TMEM132C: variants seen among roughly 807,000 people sequenced by gnomAD.
TMEM132C encodes the protein transmembrane protein 132C.
In TMEM132C, 29 loss-of-function variants were observed where a neutral mutation model predicts 61.4. The ratio of observed to expected loss-of-function variants is 0.47; its 90% CI spans 0.35 to 0.64. TMEM132C has a LOEUF of 0.64. Among genes scored for constraint, TMEM132C ranks in the 30% least tolerant of loss-of-function variants. TMEM132C has a pLI of 0.00. For missense variants in TMEM132C, 1,408 were observed against 1,476.9 expected (o/e 0.95, Z 0.76); for synonymous variants, 656 against 633.1 (o/e 1.04, Z -0.54).
chr12:128,543,846 A>T, intron 2 of TMEM132C, 111 bp from the exon 3 acceptor site: 1 of 1,408,892 alleles, frequency 7.1e-7, no homozygotes, highest in East Asian at 2.8e-5. Flanking sequence ...GATATGAAAA[A>T]AGTGGAAAAG....
At chr12:128,568,614 C>T (rs936915505) in intron 3 of TMEM132C, among the ~76,000 whole-genome samples, 3 of 152,130 alleles carry the variant, frequency 2.0e-5, no homozygotes, top group Admixed American at 1.3e-4. Context: ...AGAAATGCTC[C>T]AAGGTCACAC....
chr12:128,421,902 C>T (rs1450335033), intron 2 of TMEM132C, among the ~76,000 whole-genome samples: 1 of 152,076 alleles, frequency 6.6e-6, no homozygotes, highest in Non-Finnish European at 1.5e-5. Context: ...CTGCTATATC[C>T]CCAGCCCTTG....
At chr12:128,575,113 T>G (rs902742863) in intron 3 of TMEM132C, among the ~76,000 whole-genome samples, 4 of 152,238 alleles carry the variant, frequency 2.6e-5, no homozygotes, top group African/African-American at 9.6e-5. Flanking sequence ...GATTATGGAA[T>G]AATACCTTTG....
intron 2 of TMEM132C, among the ~76,000 whole-genome samples, chr12:128,512,834 C>T (rs369191607): frequency 2.0e-5 from 3 of 152,294 alleles, no homozygotes; most frequent in South Asian, 2.1e-4. Flanking sequence ...TCCCACACCT[C>T]GCTTTTTGAA....
intron 1 of TMEM132C, among the ~76,000 whole-genome samples, chr12:128,337,704 C>T (rs1872826161): frequency 6.6e-6 from 1 of 152,174 alleles, no homozygotes; most frequent in South Asian, 2.1e-4. Flanking sequence ...TCCCTGCAGA[C>T]CTTTGCAATT....
rs900459750 is a variant in TMEM132C at position 128,473,303 on chromosome 12, T to G, written c.974+57683T>G. ...ATCTTCTCTCCAGCCTCCGTCTTCATCTTCACTCCAGCCTCTATCTTCATC... is the reference window on the plus strand; with the variant it reads ...ATCTTCTCTCCAGCCTCCGTCTTCAGCTTCACTCCAGCCTCTATCTTCATC... On this transcript the variant is annotated intron_variant, in intron 2 of 8. Transcript: ENST00000435159. 7.5e-4 allele frequency among the ~76,000 whole-genome samples: 113 copies of G among 150,784 alleles called. 7 individuals are homozygous for G. Among genetic ancestry groups the G allele is most frequent in the African/African-American group, 2.7e-3 (109 of 40,114 alleles).
At chr12:128,505,329 A>AT (rs1181021311) in intron 2 of TMEM132C, among the ~76,000 whole-genome samples, 1 of 152,166 alleles carries the variant, frequency 6.6e-6, no homozygotes, top group Non-Finnish European at 1.5e-5. Flanking sequence ...CCATGCTCCT[A>AT]CATCCCTCTG....
intron 3 of TMEM132C, among the ~76,000 whole-genome samples, chr12:128,605,022 A>G (rs192461401): frequency 2.3e-4 from 34 of 149,498 alleles, no homozygotes; most frequent in East Asian, 2.2e-3. Context: ...ATAATAGATG[A>G]ATGGATGGAT....
chr12:128,601,160 C>T (rs945030150), intron 3 of TMEM132C, among the ~76,000 whole-genome samples: 1 of 152,158 alleles, frequency 6.6e-6, no homozygotes, highest in African/African-American at 2.4e-5. Flanking sequence ...CTGCATCTCG[C>T]TTCTCTCTTG....
At chr12:128,577,555 G>A (rs549674706) in intron 3 of TMEM132C, among the ~76,000 whole-genome samples, 1 of 152,326 alleles carries the variant, frequency 6.6e-6, no homozygotes, top group Middle Eastern at 3.4e-3. Flanking sequence ...TGAGCGTTCT[G>A]TCCCCAAGCC....
chr12:128,481,815 G>A (rs1045059802), intron 2 of TMEM132C, among the ~76,000 whole-genome samples: 1 of 152,142 alleles, frequency 6.6e-6, no homozygotes, highest in Non-Finnish European at 1.5e-5. Context: ...GGCACTGGAG[G>A]CACTCTGCTT....
chr12:128,377,568 G>T (rs1194853572), intron 1 of TMEM132C, among the ~76,000 whole-genome samples: 2 of 152,308 alleles, frequency 1.3e-5, no homozygotes, highest in East Asian at 3.9e-4. Context: ...AATACAACAG[G>T]AAGTATCAGA....
intron 4 of TMEM132C, among the ~76,000 whole-genome samples, chr12:128,655,182 G>A (rs1305194824): frequency 1.3e-5 from 2 of 152,190 alleles, no homozygotes; most frequent in Non-Finnish European, 2.9e-5. Flanking sequence ...GGTCTGCTCC[G>A]TCAGGGCTGC....
chr12:128,621,827 A>G (rs1438220877), intron 4 of TMEM132C, among the ~76,000 whole-genome samples: 1 of 152,130 alleles, frequency 6.6e-6, no homozygotes, highest in Non-Finnish European at 1.5e-5. Flanking sequence ...GGGTAGAAAC[A>G]GCTCCCAGCT....
At chr12:128,685,910 C>T (rs1954669712) in intron 5 of TMEM132C, among the ~76,000 whole-genome samples, 1 of 152,164 alleles carries the variant, frequency 6.6e-6, no homozygotes, top group African/African-American at 2.4e-5. Flanking sequence ...AGAGATGACC[C>T]ATGTGAGCCT....
At chr12:128,583,221 A>G (rs1244990556) in intron 3 of TMEM132C, among the ~76,000 whole-genome samples, 1 of 152,210 alleles carries the variant, frequency 6.6e-6, no homozygotes, top group African/African-American at 2.4e-5. Flanking sequence ...CATGCAATTC[A>G]TTAATAGGTA....
intron 1 of TMEM132C, among the ~76,000 whole-genome samples, chr12:128,407,808 A>C (rs1321905183): frequency 6.6e-6 from 1 of 152,108 alleles, no homozygotes; most frequent in African/African-American, 2.4e-5. Flanking sequence ...AACTGACTCC[A>C]CCTCTTGATG....
At chr12:128,542,793 G>A (rs189274454) in intron 2 of TMEM132C, among the ~76,000 whole-genome samples, 5 of 150,856 alleles carry the variant, frequency 3.3e-5, no homozygotes, top group East Asian at 2.0e-4. Context: ...CCCAGGAGGC[G>A]GAGGTTGCAA....
chr12:128,480,497 G>C lies in TMEM132C; in HGVS notation c.975-63460G>C, dbSNP rs146811364. ...GGTTGCAAGTTAGTGACAGCATCCAGTCCCCGGCGAAGCCAGCCCATGCGG... is the reference window on the plus strand; with the variant it reads ...GGTTGCAAGTTAGTGACAGCATCCACTCCCCGGCGAAGCCAGCCCATGCGG... On this transcript the variant is annotated intron_variant, in intron 2 of 8. Coordinates refer to ENST00000435159, the MANE Select transcript of TMEM132C (RefSeq NM_001136103.3). Among the ~76,000 whole-genome samples, 168 of 152,332 alleles carry C rather than the reference G, an allele frequency of 1.1e-3. 1 individual carries two copies. The Middle Eastern group carries it at 0.014, about 12-fold the overall frequency.
Sources: gnomAD v4.1 joint callset for allele counts (sites outside exome capture counted in the v4.1 genomes callset) on GRCh38, gnomAD v4.1.1 for gene constraint, MANE v1.5 for transcripts, NCBI Gene and HGNC (gene_info 2026-07-23, HGNC 2026-07-21) for gene names.